The following TENM2 variants were observed in gnomAD, a reference collection of about 807,000 sequenced individuals.
The protein encoded by TENM2 is teneurin-2.
A neutral mutation model predicts 245.2 loss-of-function variants in TENM2; 52 were observed. That is an observed-to-expected ratio of 0.21 (90% CI 0.17 to 0.27). TENM2 has a LOEUF of 0.27. Ranked by LOEUF, TENM2 falls within the 10% of genes least tolerant of loss-of-function variation. The pLI is 1.00. For synonymous variants in TENM2, 1,363 were observed against 1,438.9 expected (o/e 0.95, Z 1.19); for missense variants, 3,046 against 3,666.8 (o/e 0.83, Z 4.37).
the TENM2 span, among the ~76,000 whole-genome samples, chr5:167,094,063 G>T: frequency 3.5e-3 from 533 of 152,284 alleles, 2 homozygotes; most frequent in Middle Eastern, 6.8e-3. Context: ...ATTTCAATTA[G>T]CCATGGGCAC....
At chr5:168,235,103 C>T (rs548347331) in intron 25 of TENM2, among the ~76,000 whole-genome samples, 2 of 152,290 alleles carry the variant, frequency 1.3e-5, no homozygotes, top group East Asian at 1.9e-4. Context: ...CCACTCAAGC[C>T]GGTCTGTTAA....
At chr5:167,951,193 A>C (rs538723352) in intron 3 of TENM2, among the ~76,000 whole-genome samples, 1 of 152,218 alleles carries the variant, frequency 6.6e-6, no homozygotes, top group East Asian at 1.9e-4. Flanking sequence ...GCCCGGCCAC[A>C]TAAGGAGACA....
the TENM2 span, among the ~76,000 whole-genome samples, chr5:167,014,863 T>A: frequency 6.6e-6 from 1 of 152,232 alleles, no homozygotes; most frequent in Non-Finnish European, 1.5e-5. Flanking sequence ...AATAAATGCA[T>A]TTGTGAATTC....
At chr5:168,133,551 A>G (rs996949049) in intron 12 of TENM2, among the ~76,000 whole-genome samples, 2 of 152,212 alleles carry the variant, frequency 1.3e-5, no homozygotes, top group African/African-American at 4.8e-5. Flanking sequence ...TATACACTAA[A>G]GACTTTACAT....
At chr5:168,025,119 G>A (rs1015652408) in intron 5 of TENM2, among the ~76,000 whole-genome samples, 1 of 152,160 alleles carries the variant, frequency 6.6e-6, no homozygotes, top group Non-Finnish European at 1.5e-5. Flanking sequence ...CATTCAAAGT[G>A]TAAATTTACC....
intron 3 of TENM2, among the ~76,000 whole-genome samples, chr5:167,905,176 C>A (rs969578778): frequency 2.0e-5 from 3 of 152,186 alleles, no homozygotes; most frequent in African/African-American, 7.2e-5. Flanking sequence ...GCGAACATAA[C>A]TGTTTCCTAG....
intron 2 of TENM2, among the ~76,000 whole-genome samples, chr5:167,597,339 G>A (rs548373841): frequency 1.3e-5 from 2 of 151,750 alleles, no homozygotes; most frequent in Non-Finnish European, 2.9e-5. Flanking sequence ...CTCATTTTTT[G>A]TATTTTTAGT....
chr5:168,058,345 G>A (rs374948505), intron 6 of TENM2, among the ~76,000 whole-genome samples: 44 of 152,330 alleles, frequency 2.9e-4, no homozygotes, highest in African/African-American at 9.6e-4. Flanking sequence ...AAAGCTTAGA[G>A]AACCTAGAGA....
intron 2 of TENM2, among the ~76,000 whole-genome samples, chr5:167,523,159 C>A (rs1460874848): frequency 6.6e-6 from 1 of 152,264 alleles, no homozygotes; most frequent in Middle Eastern, 3.4e-3. Flanking sequence ...TAAGTTCTTC[C>A]TCTCAAGATT....
chr5:168,036,165 A>G (rs1415324627), intron 5 of TENM2, among the ~76,000 whole-genome samples: 1 of 152,172 alleles, frequency 6.6e-6, no homozygotes, highest in Non-Finnish European at 1.5e-5. Flanking sequence ...ATCATAAGCC[A>G]TAAGGAGGAG....
intron 1 of TENM2, among the ~76,000 whole-genome samples, chr5:167,345,504 T>C (rs1034806220): frequency 1.3e-5 from 2 of 152,248 alleles, no homozygotes; most frequent in Admixed American, 6.5e-5. Context: ...ATTTAAGTTA[T>C]GTTTTGATTG....
At chr5:167,579,557 C>A (rs1774940228) in intron 2 of TENM2, among the ~76,000 whole-genome samples, 1 of 152,226 alleles carries the variant, frequency 6.6e-6, no homozygotes, top group Non-Finnish European at 1.5e-5. Context: ...ACAGTCGTAG[C>A]CAAGCGTTGT....
intron 25 of TENM2, chr5:168,229,843 G>T (rs147871870): frequency 6.6e-6 from 1 of 152,302 alleles, no homozygotes; most frequent in East Asian, 1.9e-4. Flanking sequence ...CTGCAAAGTT[G>T]CAAACTGCAG....
intron 3 of TENM2, among the ~76,000 whole-genome samples, chr5:167,879,912 G>T (rs1055057016): frequency 6.6e-5 from 10 of 152,130 alleles, no homozygotes; most frequent in African/African-American, 2.4e-4. Flanking sequence ...ATCAAAATCA[G>T]CAGGCTTTGG....
At chr5:168,154,748 G>T (rs1003398435) in intron 12 of TENM2, among the ~76,000 whole-genome samples, 1 of 152,062 alleles carries the variant, frequency 6.6e-6, no homozygotes, top group Non-Finnish European at 1.5e-5. Flanking sequence ...ATTGCTGTTG[G>T]GGTTGTGGGG....
chr5:168,159,723 A>G (rs1757571719), intron 12 of TENM2, among the ~76,000 whole-genome samples: 1 of 152,186 alleles, frequency 6.6e-6, no homozygotes, highest in South Asian at 2.1e-4. Flanking sequence ...GAAACTTCTC[A>G]GAGATTTGCC....
At chr5:167,848,371 G>A (rs1770246164) in intron 2 of TENM2, among the ~76,000 whole-genome samples, 1 of 152,086 alleles carries the variant, frequency 6.6e-6, no homozygotes, top group Non-Finnish European at 1.5e-5. Flanking sequence ...AGTGGAGAGT[G>A]CATATGTAAA....
chr5:167,098,518 C>T, the TENM2 span, among the ~76,000 whole-genome samples: 1 of 152,122 alleles, frequency 6.6e-6, no homozygotes, highest in Non-Finnish European at 1.5e-5. Flanking sequence ...CCCATTCTTG[C>T]CCTCATCTCT....
chr5:167,783,195 T>A (rs1415027151), intron 2 of TENM2, among the ~76,000 whole-genome samples: 1 of 151,844 alleles, frequency 6.6e-6, no homozygotes, highest in East Asian at 1.9e-4. Context: ...TTTCTGTCTT[T>A]TGTTTTTGTT....
Sources: gnomAD v4.1 joint callset for allele counts (sites outside exome capture counted in the v4.1 genomes callset) on GRCh38, gnomAD v4.1.1 for gene constraint, MANE v1.5 for transcripts, NCBI Gene and HGNC (gene_info 2026-07-23, HGNC 2026-07-21) for gene names.